The following GPRC5D variants were observed in gnomAD, a reference collection of about 807,000 sequenced individuals.
The protein encoded by GPRC5D is G protein-coupled receptor class C group 5 member D.
GPRC5D carries 20 observed loss-of-function variants against 29.3 expected under a neutral mutation model. That is an observed-to-expected ratio of 0.68 (90% confidence interval 0.48 to 0.99). The LOEUF is 0.99. Ranked by LOEUF, GPRC5D falls within the 50% of genes least tolerant of loss-of-function variation. The pLI is 0.00. For synonymous variants in GPRC5D, 178 were observed against 171.3 expected (o/e 1.04, Z -0.30); for missense variants, 384 against 423.6 (o/e 0.91, Z 0.82).
chr12:12,945,170 A>T (rs1369949035), intron 1 of GPRC5D, among the ~76,000 whole-genome samples: 3 of 151,214 alleles, frequency 2.0e-5, no homozygotes, highest in Middle Eastern at 3.2e-3. Flanking sequence ...CGCCCAGCAA[A>T]TTTTTTGTAT....
chr12:12,942,111 T>C (rs1026493382), intron 2 of GPRC5D, 150 bp downstream of exon 3: 134 of 642,996 alleles, frequency 2.1e-4, no homozygotes, highest in South Asian at 4.0e-5. Context: ...TAAATCTGGG[T>C]GGCTCAAGCT....
chr12:12,950,333 C>G (rs563190193), exon 1 of GPRC5D: 1 of 1,612,172 alleles, frequency 6.2e-7, no homozygotes, highest in African/African-American at 1.3e-5. Context: ...GGCCCCTCGG[C>G]GTCACAGAGA....
At chr12:12,948,886 A>G (rs1308678099) in intron 1 of GPRC5D, among the ~76,000 whole-genome samples, 2 of 152,220 alleles carry the variant, frequency 1.3e-5, no homozygotes, top group Non-Finnish European at 2.9e-5. Flanking sequence ...ACTCAGAATT[A>G]GGATATAATG....
rs1351160188 is a variant in GPRC5D at position 12,942,118 on chromosome 12, A to G, written c.963+143T>C. 4.5e-6 allele frequency: 3 copies of G among 660,940 alleles called. No individual in the cohort carries two copies. In the African/African-American group the frequency reaches 5.4e-5, roughly 12 times the overall value. The allele number at this position is 660,940 out of a possible 1,614,324, so 40.9% of individuals were successfully genotyped here. A position where few individuals can be genotyped will look rare whatever the true frequency, so the allele number is the denominator to read the frequency against. On this transcript the variant is annotated intron_variant, in intron 2 of 2. Transcript: ENST00000228887. The stretch of plus-strand genomic sequence containing the variant: ...GTCTGGCTTAAATCTGGGTGGCTCA[A>G]GCTCCACATGCCTTTAGGGATGCTC...
At chr12:12,948,460 T>G (rs1485280217) in intron 1 of GPRC5D, 1 of 154,382 alleles carries the variant, frequency 6.5e-6, no homozygotes, top group Non-Finnish European at 1.5e-5. Flanking sequence ...AAAAAAAGTG[T>G]ATGTACTTAA....
exon 1 of GPRC5D, chr12:12,950,054 C>T (rs776436115): frequency 9.3e-6 from 15 of 1,613,818 alleles, no homozygotes; most frequent in African/African-American, 2.7e-5. Flanking sequence ...AGATTGGAGG[C>T]ATGAGCTAAG....
intron 2 of GPRC5D, 95 bp downstream of exon 3, chr12:12,942,166 G>A (rs549862375): frequency 2.4e-6 from 2 of 827,604 alleles, no homozygotes; most frequent in South Asian, 1.5e-5. Context: ...TCCTCTCTCA[G>A]GTCAGTAAAG....
intron 1 of GPRC5D, among the ~76,000 whole-genome samples, chr12:12,944,831 TTCC>T (rs1565477196): frequency 0.028 from 311 of 11,112 alleles, 73 homozygotes; most frequent in Non-Finnish European, 0.073. Flanking sequence ...CCTTCCTTCC[TTCC>T]TTCCTTCCTT....
At chr12:12,944,891 T>C (rs540779200) in intron 1 of GPRC5D, among the ~76,000 whole-genome samples, 39 of 130,416 alleles carry the variant, frequency 3.0e-4, no homozygotes, top group South Asian at 5.7e-4. Flanking sequence ...CTTTCTTTCT[T>C]TCTTTCTTTC....
Position 12,949,539 on chromosome 12 carries a change from GAC to G in GPRC5D, c.844_845del (p.Val282HisfsTer21), listed in dbSNP as rs1221928077. 1.9e-6 allele frequency: 3 copies of G among 1,614,096 alleles called. No individual in the cohort carries two copies. The highest frequency in any genetic ancestry group is 1.3e-5 in the African/African-American group (1 of 74,938). On this transcript the variant is annotated frameshift_variant, in exon 1 of 3. Transcript: ENST00000228887. LOFTEE classifies it high-confidence loss of function. ...CTTGGAAGCTGTGTTGGTAGGCTGT[GAC>G]GGGGCAGGCATTGCCTTGTAAAGGG...
chr12:12,944,908 TCC>T lies in GPRC5D; in HGVS notation c.896-2582_896-2581del, dbSNP rs61064981. On this transcript the variant is annotated intron_variant, in intron 1 of 2. Transcript: ENST00000228887. Reference sequence around the variant, plus strand: ...TTCTTTCTTTCTTTCTTTCTTTCTCTCCCTTTCTTTCCCTTTCTTCCTTTTCT... The same window carrying T: ...TTCTTTCTTTCTTTCTTTCTTTCTCTCTTTCTTTCCCTTTCTTCCTTTTCT... Among the ~76,000 whole-genome samples the T allele has an allele frequency of 5.4e-4, 65 of 119,592 alleles. 3 individuals carry two copies. The highest frequency in any genetic ancestry group is 7.5e-4 in the Non-Finnish European group (42 of 56,160). 78.5% of individuals were successfully genotyped at this position (119,592 alleles called of 152,430 possible).
intron 1 of GPRC5D, among the ~76,000 whole-genome samples, chr12:12,944,184 A>G (rs1208551091): frequency 1.6e-4 from 25 of 152,124 alleles, no homozygotes; most frequent in Admixed American, 1.6e-3. Flanking sequence ...GCTCACTGCA[A>G]CCTTGAACTC....
At chr12:12,943,792 C>G (rs996483730) in intron 1 of GPRC5D, among the ~76,000 whole-genome samples, 6 of 152,206 alleles carry the variant, frequency 3.9e-5, no homozygotes, top group Non-Finnish European at 5.9e-5. Context: ...ACATTCTCAT[C>G]AAACCAGATC....
intron 2 of GPRC5D, among the ~76,000 whole-genome samples, chr12:12,941,996 C>T (rs1412466690): frequency 6.6e-6 from 1 of 152,212 alleles, no homozygotes; most frequent in Non-Finnish European, 1.5e-5. Flanking sequence ...TCAAGCTGCC[C>T]TTTCTTTCCA....
rs1273783590 is a variant in GPRC5D, at chr12:12,944,768, C to T, written c.896-2440G>A. On this transcript the variant is annotated intron_variant, in intron 1 of 2. Coordinates refer to ENST00000228887, the Ensembl canonical transcript of GPRC5D. Reference sequence around the variant, plus strand: ...TCCTTCCTTCCTTCCTTTCTTCCTTCCTTTCTTCCTTCCTTCCTTCCTTCC... The same window carrying T: ...TCCTTCCTTCCTTCCTTTCTTCCTTTCTTTCTTCCTTCCTTCCTTCCTTCC... Among the ~76,000 whole-genome samples the T allele has an allele frequency of 1.6e-4, 7 of 44,882 alleles. 2 individuals are homozygous for T. Among genetic ancestry groups the T allele is most frequent in the African/African-American group, 3.3e-4 (7 of 21,072 alleles). The allele number at this position is 44,882 out of a possible 152,430, so 29.4% of individuals were successfully genotyped here.
At chr12:12,945,015 C>G (rs1259327662) in intron 1 of GPRC5D, among the ~76,000 whole-genome samples, 1 of 145,596 alleles carries the variant, frequency 6.9e-6, no homozygotes, top group African/African-American at 2.5e-5. Flanking sequence ...CTCTTTCTCT[C>G]TTTCTTTCTT....
At position 12,942,336 on chromosome 12, in the gene GPRC5D, C is replaced by T. The variant is rs372223484; in HGVS notation, c.896-8G>A. 2 of 1,603,938 alleles carry T rather than the reference C, an allele frequency of 1.2e-6. No homozygotes were observed. Among genetic ancestry groups the T allele is most frequent in the African/African-American group, 2.7e-5 (2 of 74,694 alleles). ...CTCCATCACTGTCTCGGGCTGAAAGCCAAAGGAGGGAAGGGCTGGGTTAGT... is the reference window on the plus strand; with the variant it reads ...CTCCATCACTGTCTCGGGCTGAAAGTCAAAGGAGGGAAGGGCTGGGTTAGT... On this transcript the variant is annotated splice_polypyrimidine_tract_variant and splice_region_variant and intron_variant, in intron 1 of 2. Coordinates refer to ENST00000228887, the Ensembl canonical transcript of GPRC5D.
intron 1 of GPRC5D, among the ~76,000 whole-genome samples, chr12:12,944,958 CTT>C (rs1863271858): frequency 7.7e-6 from 1 of 129,822 alleles, no homozygotes; most frequent in Non-Finnish European, 1.7e-5. Context: ...CTTTTCTTTC[CTT>C]TTCTTTCCTT....
Position 12,950,376 on chromosome 12 carries a change from C to A in GPRC5D, c.9G>T (p.Lys3Asn), listed in dbSNP as rs893107031. 3.1e-6 allele frequency: 5 copies of A among 1,599,918 alleles called. No individual in the cohort carries two copies. The highest frequency in any genetic ancestry group is 4.3e-6 in the Non-Finnish European group (5 of 1,175,602). ...AGTCTCCAGTGGACTCGATGCAGTCCTTGTACATGGTGACTTATGGGTGTG... is the reference window on the plus strand; with the variant it reads ...AGTCTCCAGTGGACTCGATGCAGTCATTGTACATGGTGACTTATGGGTGTG... Residue 3 changes from lysine to asparagine, a missense_variant, in exon 1 of 3, where the codon AAG (lysine) becomes AAT (asparagine). Physicochemically the swap from Lys to Asn is moderately conservative, Grantham distance 94. Coordinates refer to ENST00000228887, the Ensembl canonical transcript of GPRC5D.
Sources: allele counts gnomAD v4.1 joint callset (sites outside exome capture counted in the v4.1 genomes callset), GRCh38; gene constraint gnomAD v4.1.1; transcripts MANE v1.5; gene names NCBI Gene and HGNC (gene_info 2026-07-23, HGNC 2026-07-21).